GALNTL6: variants seen among roughly 807,000 people sequenced by gnomAD.
GALNTL6 encodes the protein polypeptide N-acetylgalactosaminyltransferase like 6, also known as polypeptide N-acetylgalactosaminyltransferase-like 6.
GALNTL6 carries 46 observed loss-of-function variants against 73.7 expected under a neutral mutation model. The observed-to-expected ratio is 0.62, with a 90% CI of 0.49 to 0.80. The LOEUF (loss-of-function observed/expected upper bound fraction) is 0.80, where lower values mean the gene tolerates loss of function less well. Ranked by LOEUF, GALNTL6 falls within the 30% of genes least tolerant of loss-of-function variation. The probability of loss-of-function intolerance (pLI) is 0.00; values close to 1 mark genes in which losing one functional copy is unlikely to be tolerated. For missense variants in GALNTL6, 604 were observed against 755.0 expected, an observed-to-expected ratio of 0.80 and a Z score of 2.34; for synonymous variants, 259 against 263.7, an observed-to-expected ratio of 0.98 and a Z score of 0.17.
At chr4:172,598,048 C>T (rs990096679) in intron 5 of GALNTL6, among the ~76,000 whole-genome samples, 3 of 151,928 alleles carry the variant, frequency 2.0e-5, no homozygotes, top group African/African-American at 7.3e-5. Flanking sequence ...GGATCTGTCA[C>T]GACATCACCA....
chr4:172,269,671 C>T (rs937488793), intron 3 of GALNTL6, among the ~76,000 whole-genome samples: 1 of 152,148 alleles, frequency 6.6e-6, no homozygotes, highest in Non-Finnish European at 1.5e-5. Context: ...TTTGTTTAAA[C>T]AGGAATAACA....
chr4:171,918,415 C>T (rs954799394), intron 2 of GALNTL6, among the ~76,000 whole-genome samples: 16 of 151,942 alleles, frequency 1.1e-4, no homozygotes, highest in Admixed American at 1.1e-3. Flanking sequence ...CTCAAATTGT[C>T]TTAAGAAAAA....
intron 7 of GALNTL6, among the ~76,000 whole-genome samples, chr4:172,848,793 G>A (rs1013948199): frequency 1.3e-5 from 2 of 152,172 alleles, no homozygotes; most frequent in African/African-American, 4.8e-5. Flanking sequence ...GGGAGTAAGG[G>A]TTCTTCTCCA....
chr4:172,636,868 G>A (rs560269435), intron 5 of GALNTL6, among the ~76,000 whole-genome samples: 14 of 152,146 alleles, frequency 9.2e-5, no homozygotes, highest in African/African-American at 3.4e-4. Flanking sequence ...AAGAACATAA[G>A]GCTTTTTTCT....
chr4:172,876,468 C>A (rs1745199695), intron 7 of GALNTL6, among the ~76,000 whole-genome samples: 1 of 152,106 alleles, frequency 6.6e-6, no homozygotes, highest in African/African-American at 2.4e-5. Flanking sequence ...TTTTAAGGAG[C>A]AGCTTCCACT....
In GALNTL6 at chr4:172,640,079, CCTT is replaced by C. The variant is rs751821372; in HGVS notation, c.554-169279_554-169277del. 6.6e-5 allele frequency among the ~76,000 whole-genome samples: 10 copies of C among 152,216 alleles called. No homozygotes were observed. The South Asian group carries it at 2.1e-3, about 32-fold the overall frequency. ...AATGGTTACTGTCCCCAATTCCTCT[CCTT>C]CTATTCACTCAAATCTATTTCATTC... On this transcript the variant is annotated intron_variant, in intron 5 of 12. Coordinates refer to ENST00000506823, the MANE Select transcript of GALNTL6 (RefSeq NM_001034845.3).
At chr4:171,872,553 T>C (rs2110897204) in intron 2 of GALNTL6, among the ~76,000 whole-genome samples, 1 of 152,290 alleles carries the variant, frequency 6.6e-6, no homozygotes, top group South Asian at 2.1e-4. Context: ...CAAAATTTAT[T>C]GTCTCACAGT....
intron 5 of GALNTL6, among the ~76,000 whole-genome samples, chr4:172,657,174 C>T (rs950380265): frequency 2.0e-5 from 3 of 152,194 alleles, no homozygotes; most frequent in Non-Finnish European, 2.9e-5. Flanking sequence ...TCTCTTTTCT[C>T]TTCTTCAAGC....
intron 5 of GALNTL6, among the ~76,000 whole-genome samples, chr4:172,563,524 A>G (rs1736452661): frequency 6.6e-6 from 1 of 152,234 alleles, no homozygotes; most frequent in South Asian, 2.1e-4. Flanking sequence ...AATCTTTAAG[A>G]TTTCCTTTTA....
chr4:172,517,283 C>G (rs902413657), intron 5 of GALNTL6, among the ~76,000 whole-genome samples: 1 of 151,590 alleles, frequency 6.6e-6, no homozygotes, highest in Non-Finnish European at 1.5e-5. Flanking sequence ...GGTAGTGGCT[C>G]ACAAGAAATA....
chr4:172,658,106 C>A lies in GALNTL6; in HGVS notation c.554-151255C>A, dbSNP rs1731151742. Among the ~76,000 whole-genome samples, 4 of 107,012 alleles carry A rather than the reference C, an allele frequency of 3.7e-5. No homozygotes were observed. In the South Asian group the frequency reaches 1.4e-3, roughly 37 times the overall value. The allele number at this position is 107,012 out of a possible 152,430, so 70.2% of individuals were successfully genotyped here. A position where few individuals can be genotyped will look rare whatever the true frequency, so the allele number is the denominator to read the frequency against. On this transcript the variant is annotated intron_variant, in intron 5 of 12. Coordinates refer to ENST00000506823, the MANE Select transcript of GALNTL6 (RefSeq NM_001034845.3). ...CGGAGCTTGCAGTGAGCCGAGATCC[C>A]GCCACTGCACTCCAGCCTGGGTGAC... is the stretch of plus-strand genomic sequence containing the variant.
chr4:172,577,955 G>A (rs552292890), intron 5 of GALNTL6, among the ~76,000 whole-genome samples: 1 of 152,204 alleles, frequency 6.6e-6, no homozygotes, highest in African/African-American at 2.4e-5. Flanking sequence ...TTGAGTCTGG[G>A]GAAATGAGAA....
chr4:172,451,296 A>G (rs1248693234), intron 5 of GALNTL6, among the ~76,000 whole-genome samples: 1 of 152,194 alleles, frequency 6.6e-6, no homozygotes, highest in Non-Finnish European at 1.5e-5. Context: ...CTGTATTTTG[A>G]ACGTTACCAG....
intron 3 of GALNTL6, among the ~76,000 whole-genome samples, chr4:172,292,608 A>G (rs1212750282): frequency 6.6e-6 from 1 of 152,144 alleles, no homozygotes; most frequent in Admixed American, 6.6e-5. Context: ...TTTCCTTTCT[A>G]AGTCATACAG....
In GALNTL6 at chr4:172,984,139, A is replaced by T. The variant is rs573610374; in HGVS notation, c.1372-25039A>T. 1.4e-3 allele frequency among the ~76,000 whole-genome samples: 212 copies of T among 152,328 alleles called. 1 individual carries two copies. Among genetic ancestry groups the T allele is most frequent in the African/African-American group, 4.9e-3 (202 of 41,576 alleles). On this transcript the variant is annotated intron_variant, in intron 10 of 12. Coordinates refer to ENST00000506823, the MANE Select transcript of GALNTL6 (RefSeq NM_001034845.3). ...AGAAAGCAAAAATACTTTGTGTGCC[A>T]ACTGTTGTGTCTGTATATGCGTATG...
At chr4:171,853,203 T>A (rs1431960202) in intron 2 of GALNTL6, among the ~76,000 whole-genome samples, 3 of 151,932 alleles carry the variant, frequency 2.0e-5, no homozygotes, top group Admixed American at 6.6e-5. Flanking sequence ...TGTCTCTCTG[T>A]CATACCTTTT....
At chr4:172,805,095 T>A (rs1448835007) in intron 5 of GALNTL6, among the ~76,000 whole-genome samples, 1 of 152,164 alleles carries the variant, frequency 6.6e-6, no homozygotes, top group East Asian at 1.9e-4. Context: ...GATGAGCCAG[T>A]CATACACCCT....
chr4:172,501,879 C>CAATT (rs1734274258), intron 5 of GALNTL6, among the ~76,000 whole-genome samples: 1 of 152,078 alleles, frequency 6.6e-6, no homozygotes, highest in South Asian at 2.1e-4. Context: ...AACACAGGTA[C>CAATT]AATTGTAGTT....
intron 2 of GALNTL6, among the ~76,000 whole-genome samples, chr4:171,950,582 C>A (rs926039547): frequency 6.6e-6 from 1 of 151,056 alleles, no homozygotes; most frequent in Admixed American, 6.6e-5. Context: ...CAGGTTCAAG[C>A]GATTCTCCTG....
Sources: gnomAD v4.1 joint callset for allele counts (sites outside exome capture counted in the v4.1 genomes callset) on GRCh38, gnomAD v4.1.1 for gene constraint, MANE v1.5 for transcripts, NCBI Gene and HGNC (gene_info 2026-07-23, HGNC 2026-07-21) for gene names.